Variants in ITGA8 observed in about 807,000 individuals in gnomAD.
ITGA8 encodes integrin subunit alpha 8.
ITGA8 carries 91 observed loss-of-function variants against 142.3 expected under a neutral mutation model. The ratio of observed to expected loss-of-function variants is 0.64; its 90% confidence interval spans 0.54 to 0.76. ITGA8 has a LOEUF of 0.76. Among genes scored for constraint, ITGA8 ranks in the 30% least tolerant of loss-of-function variants. The pLI is 0.00. For synonymous variants in ITGA8, 505 were observed against 485.2 expected (o/e 1.04, Z -0.54); for missense variants, 1,406 against 1,327.7 (o/e 1.06, Z -0.92).
chr10:15,553,359 A>C (rs953699960), intron 26 of ITGA8, among the ~76,000 whole-genome samples: 1 of 151,218 alleles, frequency 6.6e-6, no homozygotes, highest in African/African-American at 2.4e-5. Context: ...TATCATAACA[A>C]ATGCTTCATT....
chr10:15,658,363 G>A (rs541660226), intron 10 of ITGA8, among the ~76,000 whole-genome samples: 13 of 152,102 alleles, frequency 8.5e-5, no homozygotes, highest in Admixed American at 6.5e-4. Context: ...ATGTTAATAC[G>A]AAACCACTTC....
intron 27 of ITGA8, among the ~76,000 whole-genome samples, chr10:15,539,414 T>C (rs1360926250): frequency 6.6e-6 from 1 of 152,152 alleles, no homozygotes; most frequent in Admixed American, 6.5e-5. Context: ...TATGTCAGCA[T>C]TGTGGGTTGA....
At position 15,646,888 on chromosome 10, in the gene ITGA8, C is replaced by T; in HGVS notation, c.1165G>A (p.Ala389Thr). Residue 389 changes from alanine (A) to threonine (T), a missense_variant, in exon 12 of 30, where the codon GCT (alanine) becomes ACT (threonine). Coordinates refer to ENST00000378076, the MANE Select transcript of ITGA8 (RefSeq NM_003638.3). Reference protein sequence around the residue: ...GTETFGRFGSAMAHLGDLNQD... With the variant: ...GTETFGRFGSTMAHLGDLNQD... ...TTCAGGTCTCCTAAGTGTGCCATAG[C>T]ACTACCGAATCTCCCAAACGTCTCG... 2 of 1,614,012 alleles carry T rather than the reference C, an allele frequency of 1.2e-6. No homozygotes were observed. Among genetic ancestry groups the T allele is most frequent in the Non-Finnish European group, 1.7e-6 (2 of 1,180,000 alleles).
intron 6 of ITGA8, among the ~76,000 whole-genome samples, chr10:15,675,968 T>C (rs1182275448): frequency 6.6e-6 from 1 of 152,218 alleles, no homozygotes; most frequent in Non-Finnish European, 1.5e-5. Context: ...ATGGATGATG[T>C]GAAATTAACA....
At chr10:15,520,692 C>A (rs748402083) in intron 28 of ITGA8, among the ~76,000 whole-genome samples, 1 of 152,218 alleles carries the variant, frequency 6.6e-6, no homozygotes, top group African/African-American at 2.4e-5. Context: ...AAGAAAAGAG[C>A]GCTACATTAT....
chr10:15,604,699 A>T (rs568088387), intron 19 of ITGA8, among the ~76,000 whole-genome samples: 2 of 152,232 alleles, frequency 1.3e-5, no homozygotes, highest in African/African-American at 2.4e-5. Context: ...CAACAAAATT[A>T]CTGCAAATTT....
At chr10:15,600,733 A>G (rs1341362060) in intron 20 of ITGA8, among the ~76,000 whole-genome samples, 1 of 152,200 alleles carries the variant, frequency 6.6e-6, no homozygotes, top group Non-Finnish European at 1.5e-5. Flanking sequence ...AGTTGGCAAG[A>G]CAAACTAGGA....
At chr10:15,694,011 G>A (rs1834981287) in intron 2 of ITGA8, among the ~76,000 whole-genome samples, 1 of 150,808 alleles carries the variant, frequency 6.6e-6, no homozygotes, top group Non-Finnish European at 1.5e-5. Context: ...TTGTACTACA[G>A]AGATCTTGCA....
intron 2 of ITGA8, among the ~76,000 whole-genome samples, chr10:15,712,790 T>C (rs1835386131): frequency 6.6e-6 from 1 of 152,184 alleles, no homozygotes; most frequent in Admixed American, 6.5e-5. Context: ...ACCTGTCAGC[T>C]TAAATGTAAA....
chr10:15,551,364 A>G (rs1410256373), intron 26 of ITGA8, among the ~76,000 whole-genome samples: 1 of 152,148 alleles, frequency 6.6e-6, no homozygotes, highest in East Asian at 1.9e-4. Flanking sequence ...AGACCATCCA[A>G]ATGGCAGAAA....
chr10:15,538,091 A>G (rs1442604485), intron 27 of ITGA8, among the ~76,000 whole-genome samples: 1 of 152,242 alleles, frequency 6.6e-6, no homozygotes, highest in African/African-American at 2.4e-5. Flanking sequence ...TGATTGCACC[A>G]CTGCACTTCA....
At chr10:15,694,290 TATATC>T (rs1397162698) in intron 2 of ITGA8, among the ~76,000 whole-genome samples, 21 of 105,860 alleles carry the variant, frequency 2.0e-4, no homozygotes, top group African/African-American at 7.8e-4. Context: ...CATCAGATAA[TATATC>T]ATATATATGA....
In ITGA8 at chr10:15,644,197, G is replaced by A. The variant is rs1833923953; in HGVS notation, c.1232C>T (p.Ala411Val). The A allele has an allele frequency of 6.2e-7, 1 of 1,613,350 alleles. No homozygotes were observed. Among genetic ancestry groups the A allele is most frequent in the African/African-American group, 1.3e-5 (1 of 74,816 alleles). ...YNDIAIGVPF[A>V]GKDQRGKVLI... ...CACTTTGCCTCTTTGATCCTTGCCTGCAAAAGGCACTCCGATGGCAATGTC... is the reference window on the plus strand; with the variant it reads ...CACTTTGCCTCTTTGATCCTTGCCTACAAAAGGCACTCCGATGGCAATGTC... Residue 411 changes from alanine (A) to valine (V), a missense_variant, in exon 13 of 30, where the codon GCA becomes GTA. Physicochemically the swap from Ala to Val is moderately conservative, Grantham distance 64. Coordinates refer to ENST00000378076, the MANE Select transcript of ITGA8 (RefSeq NM_003638.3).
chr10:15,554,342 G>A (rs558576500), intron 26 of ITGA8, among the ~76,000 whole-genome samples: 4 of 152,098 alleles, frequency 2.6e-5, no homozygotes, highest in African/African-American at 9.7e-5. Flanking sequence ...AGAGCCTATG[G>A]GGGGAGGGGC....
chr10:15,682,643 A>G (rs1311619052), intron 4 of ITGA8, among the ~76,000 whole-genome samples: 1 of 152,228 alleles, frequency 6.6e-6, no homozygotes, highest in Admixed American at 6.5e-5. Context: ...TCGCATGAGC[A>G]CAGGAGTTCA....
chr10:15,697,981 G>A (rs757203429), intron 2 of ITGA8, among the ~76,000 whole-genome samples: 17 of 152,254 alleles, frequency 1.1e-4, no homozygotes, highest in Admixed American at 2.6e-4. Context: ...CTTCAGTGGC[G>A]ATTTCTGAGA....
intron 23 of ITGA8, among the ~76,000 whole-genome samples, chr10:15,576,137 T>G (rs2131584116): frequency 6.6e-6 from 1 of 152,236 alleles, no homozygotes; most frequent in South Asian, 2.1e-4. Context: ...GAGTGGTCAT[T>G]GTATATTCCT....
chr10:15,714,565 A>G (rs879680577), intron 2 of ITGA8, among the ~76,000 whole-genome samples: 1 of 152,174 alleles, frequency 6.6e-6, no homozygotes, highest in Non-Finnish European at 1.5e-5. Context: ...CCCCACCAGC[A>G]TATGCTTCTA....
At chr10:15,552,241 A>G (rs372438542) in intron 26 of ITGA8, among the ~76,000 whole-genome samples, 4 of 151,622 alleles carry the variant, frequency 2.6e-5, no homozygotes, top group Admixed American at 1.3e-4. Flanking sequence ...GGTTCACGCC[A>G]TTCTCCTGCC....
Sources: allele counts gnomAD v4.1 joint callset (sites outside exome capture counted in the v4.1 genomes callset), GRCh38; gene constraint gnomAD v4.1.1; transcripts MANE v1.5; gene names NCBI Gene and HGNC (gene_info 2026-07-23, HGNC 2026-07-21).